PCDH15: variants seen among roughly 807,000 people sequenced by gnomAD.
The protein encoded by PCDH15 is protocadherin related 15.
PCDH15 carries 129 observed loss-of-function variants against 178.5 expected under a neutral mutation model. The observed-to-expected ratio is 0.72, with a 90% confidence interval of 0.63 to 0.84. PCDH15 has a LOEUF of 0.84. Among genes scored for constraint, PCDH15 ranks in the 40% least tolerant of loss-of-function variants. The pLI is 0.00. For synonymous variants in PCDH15, 800 were observed against 732.0 expected, an observed-to-expected ratio of 1.09 and a Z score of -1.50; for missense variants, 2,230 against 2,099.9, an observed-to-expected ratio of 1.06 and a Z score of -1.21.
chr10:55,279,963 A>T (rs1214119960), intron 1 of PCDH15, among the ~76,000 whole-genome samples: 1 of 152,170 alleles, frequency 6.6e-6, no homozygotes, highest in Non-Finnish European at 1.5e-5. Flanking sequence ...CTGTTTTCTT[A>T]AAAAGTAAAC....
intron 10 of PCDH15, among the ~76,000 whole-genome samples, chr10:54,201,043 G>A (rs919981900): frequency 6.6e-6 from 1 of 152,070 alleles, no homozygotes; most frequent in Non-Finnish European, 1.5e-5. Flanking sequence ...TACCCTGCAC[G>A]AACCTCCTCC....
rs149255282 is a variant in PCDH15 at position 54,880,407 on chromosome 10, A to G, written c.-29+17043T>C. Among the ~76,000 whole-genome samples, 141 of 152,218 alleles carry G rather than the reference A, an allele frequency of 9.3e-4. 1 individual carries two copies. The highest frequency in any genetic ancestry group is 1.6e-3 in the Non-Finnish European group (112 of 68,004). ...GCAGATCAGTTAAATTAGGTGGTCT[A>G]ATTAAATGTGCCTGCCAGAAAACTA... On this transcript the variant is annotated intron_variant, in intron 3 of 5. Transcript: ENST00000458638.
chr10:55,226,409 G>A (rs1312426122), intron 1 of PCDH15, among the ~76,000 whole-genome samples: 1 of 150,974 alleles, frequency 6.6e-6, no homozygotes, highest in Non-Finnish European at 1.5e-5. Flanking sequence ...TCACCCTGGA[G>A]TGCAGTGGCA....
chr10:53,900,094 C>T (rs78246663), intron 26 of PCDH15, among the ~76,000 whole-genome samples: 3,535 of 152,218 alleles, frequency 0.023, 48 homozygotes, highest in Middle Eastern at 0.054. Context: ...TGTTCATTCA[C>T]CAACTGAAAT....
At chr10:54,314,301 T>C (rs2061097468) in intron 8 of PCDH15, among the ~76,000 whole-genome samples, 2 of 152,090 alleles carry the variant, frequency 1.3e-5, no homozygotes, top group South Asian at 4.1e-4. Context: ...AAAATGCACA[T>C]TTTAATACCA....
intron 2 of PCDH15, among the ~76,000 whole-genome samples, chr10:54,985,033 C>T (rs1005568625): frequency 1.3e-5 from 2 of 152,136 alleles, no homozygotes; most frequent in East Asian, 3.9e-4. Flanking sequence ...CACACCCTTT[C>T]CACCCTCCCA....
At chr10:54,943,362 A>G (rs946074068) in intron 2 of PCDH15, among the ~76,000 whole-genome samples, 6 of 151,938 alleles carry the variant, frequency 3.9e-5, no homozygotes. Context: ...ACATTTTGTG[A>G]TTACAATGTG....
At chr10:54,696,159 T>C (rs2095220195) in intron 1 of PCDH15, among the ~76,000 whole-genome samples, 1 of 152,012 alleles carries the variant, frequency 6.6e-6, no homozygotes, top group Non-Finnish European at 1.5e-5. Context: ...CATTTATAAA[T>C]TATAGGAGGA....
rs117290144 is a variant in PCDH15, at chr10:53,927,728, T to C, written c.3373+11087A>G. ...TCTTTCATCTTCATAGTGTTATCTA[T>C]ACTATTCTCTTCTTTGGGATCTATC... On this transcript the variant is annotated intron_variant, in intron 25 of 37. Transcript: ENST00000644397. Among the ~76,000 whole-genome samples the C allele has an allele frequency of 1.7e-3, 258 of 152,262 alleles. 1 individual carries two copies. The highest frequency in any genetic ancestry group is 2.8e-3 in the Admixed American group (43 of 15,292).
chr10:55,090,430 G>C lies in PCDH15; in HGVS notation c.-80+76146C>G, dbSNP rs144034789. On this transcript the variant is annotated intron_variant, in intron 2 of 5. Coordinates refer to the PCDH15 transcript ENST00000458638. ...CAAGATCTAACTGAGAAGAGGGCTAGGATCACACTCTTTTAGATCTCACCC... is the reference window on the plus strand; with the variant it reads ...CAAGATCTAACTGAGAAGAGGGCTACGATCACACTCTTTTAGATCTCACCC... Among the ~76,000 whole-genome samples the C allele has an allele frequency of 2.5e-3, 377 of 152,072 alleles. 1 individual carries two copies. Among genetic ancestry groups the C allele is most frequent in the Middle Eastern group, 0.01 (3 of 294 alleles).
intron 26 of PCDH15, among the ~76,000 whole-genome samples, chr10:53,888,317 T>TATATATATAC (rs59834221): frequency 1.9e-5 from 2 of 106,426 alleles, no homozygotes; most frequent in African/African-American, 8.6e-5. Flanking sequence ...TATGTATATA[T>TATATATATAC]GTACGTATAT....
intron 28 of PCDH15, among the ~76,000 whole-genome samples, chr10:53,851,550 A>G (rs1212104180): frequency 6.6e-6 from 1 of 151,168 alleles, no homozygotes; most frequent in Non-Finnish European, 1.5e-5. Flanking sequence ...CTCTGAAACA[A>G]AAAGGAGCTC....
intron 8 of PCDH15, among the ~76,000 whole-genome samples, chr10:54,273,195 T>G (rs913979447): frequency 4.0e-5 from 6 of 151,790 alleles, no homozygotes; most frequent in African/African-American, 1.5e-4. Flanking sequence ...CAAAGAAAAA[T>G]AAAAATAGAA....
At chr10:55,213,532 A>C (rs137961415) in intron 1 of PCDH15, among the ~76,000 whole-genome samples, 230 of 151,972 alleles carry the variant, frequency 1.5e-3, no homozygotes, top group Admixed American at 3.5e-3. Context: ...CATTTTTATA[A>C]GTTAAATTTT....
At chr10:54,476,466 G>T (rs575721950) in intron 3 of PCDH15, among the ~76,000 whole-genome samples, 3 of 152,130 alleles carry the variant, frequency 2.0e-5, no homozygotes, top group African/African-American at 7.2e-5. Flanking sequence ...CAGTGAAATG[G>T]GAAAATGTTA....
At chr10:54,888,645 T>G (rs887767826) in intron 3 of PCDH15, among the ~76,000 whole-genome samples, 1 of 151,942 alleles carries the variant, frequency 6.6e-6, no homozygotes, top group Non-Finnish European at 1.5e-5. Flanking sequence ...TTGTGTAATT[T>G]TAGTAGTTTT....
At chr10:55,627,616 C>G (rs1270818012) in intron 2 of PCDH15, 1 of 152,196 alleles carries the variant, frequency 6.6e-6, no homozygotes, top group African/African-American at 2.4e-5. Context: ...ATCCCACCCC[C>G]TTGCCTACCT....
At chr10:54,661,044 C>T (rs962715384) in intron 2 of PCDH15, among the ~76,000 whole-genome samples, 4 of 151,792 alleles carry the variant, frequency 2.6e-5, no homozygotes, top group Non-Finnish European at 4.4e-5. Context: ...GATGGCCACT[C>T]TCAGCAATCA....
intron 2 of PCDH15, among the ~76,000 whole-genome samples, chr10:55,564,365 C>A (rs149812861): frequency 0.01 from 1,557 of 150,734 alleles, 15 homozygotes; most frequent in Non-Finnish European, 0.016. Flanking sequence ...ACTCATGGTA[C>A]CCACAAAGAA....
Sources: allele counts gnomAD v4.1 joint callset (sites outside exome capture counted in the v4.1 genomes callset), GRCh38; gene constraint gnomAD v4.1.1; transcripts MANE v1.5; gene names NCBI Gene and HGNC (gene_info 2026-07-23, HGNC 2026-07-21).